PCDHGB2: variants seen among roughly 807,000 people sequenced by gnomAD.
PCDHGB2 encodes protocadherin gamma-B2.
Under a neutral mutation model 59.3 loss-of-function variants are expected in PCDHGB2, and 55 were observed. The observed-to-expected ratio is 0.93, with a 90% CI of 0.75 to 1.16. PCDHGB2 has a LOEUF of 1.16. Among genes scored for constraint, PCDHGB2 ranks in the 50% most tolerant of loss-of-function variants. The probability of loss-of-function intolerance (pLI) is 0.00; values close to 1 mark genes in which losing one functional copy is unlikely to be tolerated. For missense variants in PCDHGB2, 1,228 were observed against 1,198.5 expected (o/e 1.02, Z -0.36); for synonymous variants, 516 against 512.0 (o/e 1.01, Z -0.11).
intron 1 of PCDHGB2, chr5:141,478,905 G>T (rs1593970684): frequency 1.1e-6 from 1 of 930,214 alleles, no homozygotes; most frequent in East Asian, 2.7e-5. Flanking sequence ...GGAATAAGCT[G>T]CTGGATACCT....
In PCDHGB2 at chr5:141,361,541, C is replaced by CCTCTATCG. The variant is rs778689212; in HGVS notation, c.1410_1417dup (p.Gln473LeufsTer23). ...GTGGCAGAGAACAATCCTCCTGGCGCCTCTATCGCTCAAATCAGTGCCTCT... is the reference window on the plus strand; with the variant it reads ...GTGGCAGAGAACAATCCTCCTGGCGCCTCTATCGCTCTATCGCTCAAATCAGTGCCTCT... On this transcript the variant is annotated frameshift_variant, in exon 1 of 4. Coordinates refer to ENST00000522605, the MANE Select transcript of PCDHGB2 (RefSeq NM_018923.3). LOFTEE classifies it high-confidence loss of function. The CCTCTATCG allele has an allele frequency of 6.2e-6, 10 of 1,613,956 alleles. No individual in the cohort carries two copies. In the African/African-American group the frequency reaches 1.2e-4, roughly 19 times the overall value.
rs1346536726 is a variant in PCDHGB2 at position 141,375,203 on chromosome 5, C to A, written c.2421+12647C>A. 10 of 1,613,794 alleles carry A rather than the reference C, an allele frequency of 6.2e-6. No individual in the cohort carries two copies. In the Admixed American group the frequency reaches 1.3e-4, roughly 22 times the overall value. ...AATCGCCCTTTTTCAAGTGTTCGATCGAGACTCTGGCCTGAATGGCCTGGT... is the reference window on the plus strand; with the variant it reads ...AATCGCCCTTTTTCAAGTGTTCGATAGAGACTCTGGCCTGAATGGCCTGGT... On this transcript the variant is annotated intron_variant, in intron 1 of 3. Transcript: ENST00000522605.
At chr5:141,413,229 C>A in intron 1 of PCDHGB2, 1 of 1,613,914 alleles carries the variant, frequency 6.2e-7, no homozygotes, top group South Asian at 1.1e-5. Context: ...GCGGGCTGGT[C>A]CTGCTCTGCC....
chr5:141,370,051 A>G (rs1766638664), intron 1 of PCDHGB2, among the ~76,000 whole-genome samples: 1 of 152,244 alleles, frequency 6.6e-6, no homozygotes, highest in African/African-American at 2.4e-5. Flanking sequence ...ATGTTTTTTA[A>G]AAGTCCTTTT....
At position 141,365,464 on chromosome 5, in the gene PCDHGB2, A is replaced by C. The variant is rs1763932491; in HGVS notation, c.2421+2908A>C. Reference sequence around the variant, plus strand: ...GCGTACATGATGGTGATTCTGGAGAAAATGGTGAGATTGCATGCTCTATTC... The same window carrying C: ...GCGTACATGATGGTGATTCTGGAGACAATGGTGAGATTGCATGCTCTATTC... On this transcript the variant is annotated intron_variant, in intron 1 of 3. Coordinates refer to ENST00000522605, the MANE Select transcript of PCDHGB2 (RefSeq NM_018923.3). The C allele has an allele frequency of 1.9e-6, 3 of 1,614,072 alleles. No individual in the cohort carries two copies. In the East Asian group the frequency reaches 6.7e-5, roughly 36 times the overall value.
chr5:141,389,569 A>T, intron 1 of PCDHGB2: 2 of 1,613,182 alleles, frequency 1.2e-6, no homozygotes, highest in Non-Finnish European at 1.7e-6. Context: ...CGGGTGCTGT[A>T]CCCCGCGCTG....
chr5:141,372,310 G>A (rs1768642217), intron 1 of PCDHGB2: 4 of 1,613,452 alleles, frequency 2.5e-6, no homozygotes, highest in Non-Finnish European at 2.5e-6. Context: ...GAGGCCGCCC[G>A]CCAGCGCCTG....
chr5:141,449,584 G>C (rs2098645697), intron 1 of PCDHGB2, among the ~76,000 whole-genome samples: 1 of 123,190 alleles, frequency 8.1e-6, no homozygotes, highest in South Asian at 2.5e-4. Context: ...GCAAGACTCT[G>C]TCTCAAAAAA....
At chr5:141,385,013 T>C (rs1588986326) in intron 1 of PCDHGB2, 1 of 1,614,162 alleles carries the variant, frequency 6.2e-7, no homozygotes, top group Non-Finnish European at 8.5e-7. Context: ...TGCGTCTTCC[T>C]AGCCTTCGTC....
rs531352412 is a variant in PCDHGB2, at chr5:141,382,380, A to G, written c.2421+19824A>G. ...AATAAAATTTACCTTTTTGCCTTCAATAACTGATTTTCCCATGTGCAATAA... is the reference window on the plus strand; with the variant it reads ...AATAAAATTTACCTTTTTGCCTTCAGTAACTGATTTTCCCATGTGCAATAA... On this transcript the variant is annotated intron_variant, in intron 1 of 3. Coordinates refer to ENST00000522605, the MANE Select transcript of PCDHGB2 (RefSeq NM_018923.3). 3.3e-5 allele frequency among the ~76,000 whole-genome samples: 5 copies of G among 152,324 alleles called. No individual in the cohort carries two copies. The South Asian group carries it at 8.3e-4, about 25-fold the overall frequency.
intron 1 of PCDHGB2, chr5:141,429,265 T>C (rs1297239650): frequency 6.6e-6 from 1 of 152,148 alleles, no homozygotes; most frequent in Non-Finnish European, 1.5e-5. Flanking sequence ...GAGGAATAAA[T>C]TTTTTTCCTG....
In PCDHGB2 at chr5:141,486,247, C is replaced by T. The variant is rs935513223; in HGVS notation, c.2422-8560C>T. The T allele has an allele frequency of 2.5e-6, 4 of 1,614,014 alleles. No homozygotes were observed. The African/African-American group carries it at 5.3e-5, about 22-fold the overall frequency. On this transcript the variant is annotated intron_variant, in intron 1 of 3. Transcript: ENST00000522605. This position sits in a 1 kb window ranked among gnomAD's most constrained non-coding sequence, Gnocchi z 5.0. Reference sequence around the variant, plus strand: ...TCACAGTGACCTCAGAGCTTGGAACCCTCCCCGAGAGTGCAGAACCTGGCA... The same window carrying T: ...TCACAGTGACCTCAGAGCTTGGAACTCTCCCCGAGAGTGCAGAACCTGGCA...
chr5:141,370,433 G>A, intron 1 of PCDHGB2: 1 of 1,601,376 alleles, frequency 6.2e-7, no homozygotes, highest in Non-Finnish European at 8.5e-7. Flanking sequence ...CAGCAGGGCA[G>A]AGGCGAATGC....
At chr5:141,409,063 C>A (rs988950366) in intron 1 of PCDHGB2, 2 of 1,613,860 alleles carry the variant, frequency 1.2e-6, no homozygotes, top group African/African-American at 2.7e-5. Flanking sequence ...CTGCCCAGAG[C>A]ACAAAACATA....
intron 1 of PCDHGB2, chr5:141,366,136 C>T: frequency 6.2e-7 from 1 of 1,614,204 alleles, no homozygotes; most frequent in South Asian, 1.1e-5. Flanking sequence ...GCCAGAACGC[C>T]TGGCTGTCCT....
In PCDHGB2 at chr5:141,389,617, A is replaced by G. The variant is rs375985151; in HGVS notation, c.2421+27061A>G. 179 of 1,612,924 alleles carry G rather than the reference A, an allele frequency of 1.1e-4. No individual in the cohort carries two copies. The Middle Eastern group carries it at 3.6e-3, about 32-fold the overall frequency. ...TCTGCGCTCTTCGATATGGTGCCGC[A>G]CGCTGCAGAGCCTGGCTACTTGGTG... is the stretch of plus-strand genomic sequence containing the variant. On this transcript the variant is annotated intron_variant, in intron 1 of 3. Transcript: ENST00000522605.
Position 141,476,129 on chromosome 5 carries a change from G to A in PCDHGB2, c.2422-18678G>A. ...GCTTTTGAGTGAGATGGTCCCAGAG[G>A]CCTGGAGGAGCGGACTGGTAAGCAC... On this transcript the variant is annotated intron_variant, in intron 1 of 3. Transcript: ENST00000522605. This position sits in a 1 kb window ranked among gnomAD's most constrained non-coding sequence, Gnocchi z 7.6. The A allele has an allele frequency of 6.2e-7, 1 of 1,606,848 alleles. No homozygotes were observed. The highest frequency in any genetic ancestry group is 8.5e-7 in the Non-Finnish European group (1 of 1,177,814).
intron 1 of PCDHGB2, chr5:141,420,475 A>G (rs1590231324): frequency 3.0e-6 from 2 of 665,126 alleles, no homozygotes; most frequent in Admixed American, 7.8e-5. Context: ...ATTTTAAAGC[A>G]AACTACATGG....
chr5:141,410,031 AG>A lies in PCDHGB2; in HGVS notation c.2421+47477del, dbSNP rs1303415196. ...GCCTGGCTGTCCTACCACGTGCTGCAGGCCAGTGAGCCCGGACTCTTCAGCC... is the reference window on the plus strand; with the variant it reads ...GCCTGGCTGTCCTACCACGTGCTGCAGCCAGTGAGCCCGGACTCTTCAGCC... On this transcript the variant is annotated intron_variant, in intron 1 of 3. Coordinates refer to ENST00000522605, the MANE Select transcript of PCDHGB2 (RefSeq NM_018923.3). 3.1e-6 allele frequency: 5 copies of A among 1,613,236 alleles called. No homozygotes were observed. In the South Asian group the frequency reaches 5.5e-5, roughly 18 times the overall value.
Sources: allele counts gnomAD v4.1 joint callset (sites outside exome capture counted in the v4.1 genomes callset), GRCh38; gene constraint gnomAD v4.1.1; non-coding constraint Gnocchi (gnomAD v3.1); transcripts MANE v1.5; gene names NCBI Gene and HGNC (gene_info 2026-07-23, HGNC 2026-07-21).